The following ZNF343 variants were observed in gnomAD, a reference collection of about 807,000 sequenced individuals.
ZNF343 encodes zinc finger protein 343.
In ZNF343, 11 loss-of-function variants were observed where a neutral mutation model predicts 13.8. That is an observed-to-expected ratio of 0.80 (90% CI 0.50 to 1.32). The LOEUF (loss-of-function observed/expected upper bound fraction) is 1.32. ZNF343 is among the 40% of genes most tolerant of loss of function. The pLI is 0.00. For synonymous variants in ZNF343, 248 were observed against 260.0 expected, an observed-to-expected ratio of 0.95 and a Z score of 0.44; for missense variants, 658 against 714.2, an observed-to-expected ratio of 0.92 and a Z score of 0.90.
intron 1 of ZNF343, among the ~76,000 whole-genome samples, chr20:2,516,618 G>A (rs758669144): frequency 2.6e-5 from 4 of 152,080 alleles, no homozygotes; most frequent in Non-Finnish European, 5.9e-5. Context: ...TGAGGGTCTG[G>A]TTTAGCGTCA....
intron 2 of ZNF343, among the ~76,000 whole-genome samples, chr20:2,496,851 T>C (rs112842116): frequency 0.38 from 57,025 of 151,534 alleles, 11,366 homozygotes; most frequent in Non-Finnish European, 0.45. Context: ...GAGGCCGAGG[T>C]GGGCAGATCA....
chr20:2,513,943 G>C lies in ZNF343; in HGVS notation c.-347+10512C>G, dbSNP rs553350879. On this transcript the variant is annotated intron_variant, in intron 1 of 6. Coordinates refer to the ZNF343 transcript ENST00000358413. ...CGGAATAGGCAGATCCATGGAGACA[G>C]AAAGTAGATTAGTAGCAGGGTCTAG... 2.0e-5 allele frequency among the ~76,000 whole-genome samples: 3 copies of C among 152,312 alleles called. No homozygotes were observed. In the South Asian group the frequency reaches 6.2e-4, roughly 32 times the overall value.
intron 2 of ZNF343, among the ~76,000 whole-genome samples, chr20:2,497,940 G>T (rs1011617104): frequency 2.2e-4 from 33 of 149,752 alleles, no homozygotes; most frequent in African/African-American, 8.0e-4. Flanking sequence ...CTGCTCAAAT[G>T]CTCACGAAGA....
rs2085215151 is a variant in ZNF343 at position 2,483,574 on chromosome 20, T to C, written c.1387A>G (p.Lys463Glu). Residue 463 changes from lysine (K) to glutamate (E), a missense_variant, in exon 6 of 6, where the codon AAG (lysine) becomes GAG (glutamate). Transcript: ENST00000278772. ...IIHERTHSGE[K>E]PYVCGECGRG... The stretch of plus-strand genomic sequence containing the variant: ...CCACACTCACCACACACATAAGGCT[T>C]CTCTCCAGAGTGCGTCCGCTCGTGT... 1 of 1,612,730 alleles carries C rather than the reference T, an allele frequency of 6.2e-7. No individual in the cohort carries two copies. The highest frequency in any genetic ancestry group is 8.5e-7 in the Non-Finnish European group (1 of 1,179,654).
In ZNF343 at chr20:2,493,623, C is replaced by A. The variant is rs201452015; in HGVS notation, c.119-46G>T. On this transcript the variant is annotated intron_variant, in intron 3 of 5. Transcript: ENST00000278772. ...TATGAGAAACCAGACCCCCCCACCC[C>A]CCACCCCCCACCATGACGCTCCCTG... 77 of 930,136 alleles carry A rather than the reference C, an allele frequency of 8.3e-5. No homozygotes were observed. The East Asian group carries it at 3.4e-3, about 41-fold the overall frequency. The allele number at this position is 930,136 out of a possible 1,614,324, so 57.6% of individuals were successfully genotyped here.
Position 2,484,367 on chromosome 20 carries a change from T to G in ZNF343, c.594A>C (p.Gln198His). ...ETSRAFPSPLQRQSASPRKGN... is the reference protein window; with the variant it reads ...ETSRAFPSPLHRQSASPRKGN... The stretch of plus-strand genomic sequence containing the variant: ...CTTTTCTAGGACTTGCTGACTGTCT[T>G]TGGAGTGGGCTGGGGAATGCCCTTG... The change falls in exon 6 of 6, where the codon CAA becomes CAC. Residue 198 changes from glutamine to histidine, a missense_variant. Gln to His is a conservative substitution (Grantham distance 24). Transcript: ENST00000278772. The G allele has an allele frequency of 6.2e-7, 1 of 1,614,226 alleles. No homozygotes were observed. The highest frequency in any genetic ancestry group is 2.2e-5 in the East Asian group (1 of 44,888).
At chr20:2,512,380 T>G (rs1371106108), upstream of ZNF343, among the ~76,000 whole-genome samples, 1 of 152,184 alleles carries the variant, frequency 6.6e-6, no homozygotes, top group Non-Finnish European at 1.5e-5. Context: ...TGAAAAAGAA[T>G]AAGGTTGGAG....
Position 2,483,004 on chromosome 20 carries a change from T to C in ZNF343, c.*157A>G. On this transcript the variant is annotated 3_prime_UTR_variant, in exon 6 of 6. Coordinates refer to ENST00000278772, the MANE Select transcript of ZNF343 (RefSeq NM_024325.6). ...TCATAAGGCTCCTCTCCTGAACGTGTCCCTCCCATGCCTGATAAGGGCTGA... is the reference window on the plus strand; with the variant it reads ...TCATAAGGCTCCTCTCCTGAACGTGCCCCTCCCATGCCTGATAAGGGCTGA... The C allele has an allele frequency of 4.6e-6, 4 of 865,050 alleles. No homozygotes were observed. The highest frequency in any genetic ancestry group is 3.5e-6 in the Non-Finnish European group (2 of 573,562). 53.6% of individuals were successfully genotyped at this position (865,050 alleles called of 1,614,324 possible).
chr20:2,516,490 G>A (rs1231718326), intron 1 of ZNF343, among the ~76,000 whole-genome samples: 2 of 152,150 alleles, frequency 1.3e-5, no homozygotes, highest in African/African-American at 2.4e-5. Context: ...AGTGCACAGT[G>A]AGTGTGAGCG....
At chr20:2,516,821 G>A (rs2085761382) in intron 1 of ZNF343, among the ~76,000 whole-genome samples, 1 of 152,036 alleles carries the variant, frequency 6.6e-6, no homozygotes, top group African/African-American at 2.4e-5. Flanking sequence ...GTCAGGTTGA[G>A]GATAAAGGTC....
Position 2,483,163 on chromosome 20 carries a change from AGT to A in ZNF343, c.1796_1797del (p.His599LeufsTer40), listed in dbSNP as rs1359389373. The A allele has an allele frequency of 6.2e-7, 1 of 1,603,330 alleles. No individual in the cohort carries two copies. Among genetic ancestry groups the A allele is most frequent in the South Asian group, 1.1e-5 (1 of 88,900 alleles). Reference protein sequence around the residue: ...KSNLIRHQRTH With the variant: ...KSNLIRHQRTX The stretch of plus-strand genomic sequence containing the variant: ...CCTGCATACACAGGTTTCTCCCGTC[AGT>A]GTGTCCTCTGGTGTCTGATGAGATT... On this transcript the variant is annotated frameshift_variant, in exon 6 of 6. Coordinates refer to ENST00000278772, the MANE Select transcript of ZNF343 (RefSeq NM_024325.6). LOFTEE classifies it high-confidence loss of function.
rs1379335895 is a variant in ZNF343 at position 2,497,577 on chromosome 20, T to C, written c.-150+3079A>G. ...CTGTGTTTAGCACAGTAGTGGCTGCTGGTGACCTTGGCAAGAACAGTTTCT... is the reference window on the plus strand; with the variant it reads ...CTGTGTTTAGCACAGTAGTGGCTGCCGGTGACCTTGGCAAGAACAGTTTCT... On this transcript the variant is annotated intron_variant, in intron 2 of 5. Coordinates refer to ENST00000278772, the MANE Select transcript of ZNF343 (RefSeq NM_024325.6). Among the ~76,000 whole-genome samples, 3 of 152,236 alleles carry C rather than the reference T, an allele frequency of 2.0e-5. No homozygotes were observed. In the East Asian group the frequency reaches 5.8e-4, roughly 29 times the overall value.
intron 1 of ZNF343, among the ~76,000 whole-genome samples, chr20:2,503,337 T>TA (rs2085601838): frequency 6.6e-6 from 1 of 152,154 alleles, no homozygotes; most frequent in Non-Finnish European, 1.5e-5. Context: ...GAAAGAGACT[T>TA]AGACTCCCAC....
intron 1 of ZNF343, among the ~76,000 whole-genome samples, chr20:2,503,005 G>A (rs1466178634): frequency 2.0e-5 from 3 of 152,114 alleles, no homozygotes; most frequent in African/African-American, 7.2e-5. Context: ...CCAATTAAAA[G>A]ACACAGACTG....
rs115156976 is a variant in ZNF343, at chr20:2,518,308, C to T, written c.-347+6147G>A. Among the ~76,000 whole-genome samples, 748 of 152,270 alleles carry T rather than the reference C, an allele frequency of 4.9e-3. 8 individuals are homozygous for T. Among genetic ancestry groups the T allele is most frequent in the African/African-American group, 0.017 (712 of 41,546 alleles). ...TTAGAATTACAGGCGTGAGCCACCGCGCCCAGCCTCAAAGATTTATTTCTA... is the reference window on the plus strand; with the variant it reads ...TTAGAATTACAGGCGTGAGCCACCGTGCCCAGCCTCAAAGATTTATTTCTA... On this transcript the variant is annotated intron_variant, in intron 1 of 6. Coordinates refer to the ZNF343 transcript ENST00000358413. The surrounding 1 kb of genome is among the most constrained non-coding windows in gnomAD (Gnocchi z 4.6).
chr20:2,501,198 C>T (rs199641383), intron 1 of ZNF343, among the ~76,000 whole-genome samples: 1 of 152,114 alleles, frequency 6.6e-6, no homozygotes, highest in Non-Finnish European at 1.5e-5. Flanking sequence ...CGCCCATGGA[C>T]CCTCGCTCAT....
At chr20:2,498,683 T>C (rs1203081701) in intron 2 of ZNF343, among the ~76,000 whole-genome samples, 2 of 152,194 alleles carry the variant, frequency 1.3e-5, no homozygotes, top group Non-Finnish European at 2.9e-5. Context: ...CACTACCTTA[T>C]AGGAATTATC....
intron 1 of ZNF343, among the ~76,000 whole-genome samples, chr20:2,503,404 A>C (rs2085603274): frequency 6.6e-6 from 1 of 152,178 alleles, no homozygotes; most frequent in Admixed American, 6.5e-5. Context: ...GATCAACAAG[A>C]CAGAAAGTTA....
upstream of ZNF343, among the ~76,000 whole-genome samples, chr20:2,512,219 T>C (rs1367735345): frequency 6.6e-6 from 1 of 152,230 alleles, no homozygotes; most frequent in Admixed American, 6.5e-5. Context: ...TTGGAAGGCT[T>C]AATATTGTTA....
Sources: allele counts gnomAD v4.1 joint callset (sites outside exome capture counted in the v4.1 genomes callset), GRCh38; gene constraint gnomAD v4.1.1; non-coding constraint Gnocchi (gnomAD v3.1); transcripts MANE v1.5; gene names NCBI Gene and HGNC (gene_info 2026-07-23, HGNC 2026-07-21).